The following MGST1 variants were observed in gnomAD, a reference collection of about 807,000 sequenced individuals.
MGST1 encodes the protein glutathione S-transferase 12.
A neutral mutation model predicts 8.9 loss-of-function variants in MGST1; 5 were observed. That is an observed-to-expected ratio of 0.56 (90% CI 0.29 to 1.19). The LOEUF is 1.19. MGST1 is among the 50% of genes most tolerant of loss of function. MGST1 has a pLI of 0.08. For synonymous variants in MGST1, 54 were observed against 67.8 expected (o/e 0.80, Z 1.00); for missense variants, 182 against 187.4 (o/e 0.97, Z 0.17).
intron 4 of MGST1, among the ~76,000 whole-genome samples, chr12:16,518,454 AT>A (rs1304042892): frequency 6.6e-6 from 1 of 152,112 alleles, no homozygotes; most frequent in African/African-American, 2.4e-5. Flanking sequence ...GAAAAGTTTT[AT>A]TTATTATAGC....
In MGST1 at chr12:16,354,471, C is replaced by T. The variant is rs529332722; in HGVS notation, c.126+93C>T. 19 of 1,235,990 alleles carry T rather than the reference C, an allele frequency of 1.5e-5. No homozygotes were observed. In the East Asian group the frequency reaches 3.4e-4, roughly 22 times the overall value. 76.6% of individuals were successfully genotyped at this position (1,235,990 alleles called of 1,614,324 possible). A position where few individuals can be genotyped will look rare whatever the true frequency, so the allele number is the denominator to read the frequency against. ...TTTTCTTTTTTTATTTTTGGTAAAG[C>T]CCAATAGCACACTGTTTTATGCTGT... On this transcript the variant is annotated intron_variant, in intron 2 of 3. Transcript: ENST00000396210.
chr12:16,454,087 C>T (rs574154321), intron 4 of MGST1, among the ~76,000 whole-genome samples: 4 of 151,870 alleles, frequency 2.6e-5, no homozygotes, highest in South Asian at 2.1e-4. Context: ...GGGAATGCCC[C>T]GGCCCAGAGG....
chr12:16,552,049 A>G (rs767395845), intron 4 of MGST1, among the ~76,000 whole-genome samples: 4 of 152,058 alleles, frequency 2.6e-5, no homozygotes, highest in Non-Finnish European at 4.4e-5. Flanking sequence ...CTAGTTTCCA[A>G]TAGCTAATTA....
intron 4 of MGST1, among the ~76,000 whole-genome samples, chr12:16,529,793 C>T (rs949106163): frequency 2.6e-5 from 4 of 152,002 alleles, no homozygotes; most frequent in Non-Finnish European, 5.9e-5. Context: ...AGTTAGAAAT[C>T]TATAATTGTA....
intron 1 of MGST1, among the ~76,000 whole-genome samples, chr12:16,408,950 A>T (rs1309935601): frequency 6.6e-6 from 1 of 152,084 alleles, no homozygotes; most frequent in Non-Finnish European, 1.5e-5. Context: ...TGTGCTTCTC[A>T]TTTTTAGAAG....
chr12:16,528,419 A>G (rs1941702645), intron 4 of MGST1, among the ~76,000 whole-genome samples: 1 of 152,054 alleles, frequency 6.6e-6, no homozygotes, highest in Non-Finnish European at 1.5e-5. Context: ...GTTAAAAACA[A>G]GACCCGTGCT....
intron 4 of MGST1, among the ~76,000 whole-genome samples, chr12:16,534,965 C>T (rs1251040395): frequency 6.6e-6 from 1 of 152,136 alleles, no homozygotes; most frequent in East Asian, 1.9e-4. Context: ...CTCTTCACCC[C>T]ATTTACCTTC....
chr12:16,400,274 C>T (rs1940643060), intron 1 of MGST1: 1 of 810,434 alleles, frequency 1.2e-6, no homozygotes, highest in African/African-American at 1.7e-5. Context: ...AAATGCAAGA[C>T]AATAATCATT....
intron 1 of MGST1, among the ~76,000 whole-genome samples, chr12:16,350,040 G>A (rs1404278899): frequency 2.6e-5 from 4 of 152,048 alleles, no homozygotes; most frequent in Non-Finnish European, 5.9e-5. Flanking sequence ...CACCGCGCTC[G>A]GCCCCCGCTT....
intron 4 of MGST1, among the ~76,000 whole-genome samples, chr12:16,470,404 CATA>C (rs1189878406): frequency 6.6e-6 from 1 of 152,154 alleles, no homozygotes; most frequent in South Asian, 2.1e-4. Context: ...ATTCAGATGT[CATA>C]ATAATGAAAT....
intron 1 of MGST1, among the ~76,000 whole-genome samples, chr12:16,409,745 C>T (rs1400859048): frequency 6.6e-6 from 1 of 152,074 alleles, no homozygotes; most frequent in African/African-American, 2.4e-5. Flanking sequence ...GCCCAGAAAG[C>T]CTGTACCACA....
At chr12:16,381,648 G>T (rs1449018703), downstream of MGST1, among the ~76,000 whole-genome samples, 2 of 152,090 alleles carry the variant, frequency 1.3e-5, no homozygotes, top group Admixed American at 1.3e-4. Context: ...TATCTTTGTG[G>T]CATTCTCTGT....
chr12:16,364,542 G>C (rs566341281), downstream of MGST1: 2 of 310,316 alleles, frequency 6.4e-6, no homozygotes, highest in African/African-American at 4.5e-5. The surrounding 1 kb of genome is among the most constrained non-coding windows in gnomAD (Gnocchi z 5.7). Flanking sequence ...TTGCATATTT[G>C]CTTTCCTTCT....
chr12:16,531,687 T>A (rs78840748), intron 4 of MGST1, among the ~76,000 whole-genome samples: 20 of 152,118 alleles, frequency 1.3e-4, no homozygotes, highest in Non-Finnish European at 2.5e-4. Context: ...CAGCAAGACC[T>A]TGCACTCAGA....
rs1942362352 is a variant in MGST1 at position 16,560,526 on chromosome 12, T to C, written n.483-29002T>C. The C allele has an allele frequency of 6.2e-7, 1 of 1,611,432 alleles. No homozygotes were observed. Among genetic ancestry groups the C allele is most frequent in the Non-Finnish European group, 8.5e-7 (1 of 1,179,234 alleles). On this transcript the variant is annotated intron_variant and non_coding_transcript_variant, in intron 4 of 4. Coordinates refer to the MGST1 transcript ENST00000538857. This position sits in a 1 kb window ranked among gnomAD's most constrained non-coding sequence, Gnocchi z 5.0. Reference sequence around the variant, plus strand: ...TACTACAGGCAGCGCAGTTTCCCGTTACACCAAAGAGCCTAGAATAAGAAA... The same window carrying C: ...TACTACAGGCAGCGCAGTTTCCCGTCACACCAAAGAGCCTAGAATAAGAAA...
intron 4 of MGST1, among the ~76,000 whole-genome samples, chr12:16,479,415 T>C (rs554318613): frequency 1.3e-5 from 2 of 151,798 alleles, no homozygotes; most frequent in East Asian, 3.9e-4. Context: ...TTTGTATTTT[T>C]AGTAGAGACA....
chr12:16,365,546 A>T (rs1940169747), downstream of MGST1, among the ~76,000 whole-genome samples: 1 of 152,232 alleles, frequency 6.6e-6, no homozygotes, highest in East Asian at 1.9e-4. Flanking sequence ...AACCTATTAG[A>T]CAATTGACTA....
At chr12:16,435,589 A>T (rs567208362) in intron 1 of MGST1, among the ~76,000 whole-genome samples, 2 of 152,090 alleles carry the variant, frequency 1.3e-5, no homozygotes, top group South Asian at 4.1e-4. Flanking sequence ...ATTTTCATCC[A>T]TTCAACATTC....
In MGST1 at chr12:16,576,599, C is replaced by G. The variant is rs1943003081; in HGVS notation, n.483-12929C>G. Among the ~76,000 whole-genome samples the G allele has an allele frequency of 6.6e-6, 1 of 152,210 alleles. No individual in the cohort carries two copies. Among genetic ancestry groups the G allele is most frequent in the Non-Finnish European group, 1.5e-5 (1 of 68,042 alleles). Reference sequence around the variant, plus strand: ...GTATCAGTTACGTACCTGTTTGTCTCTTTCTCACTACATAATAAGCTCCCT... The same window carrying G: ...GTATCAGTTACGTACCTGTTTGTCTGTTTCTCACTACATAATAAGCTCCCT... On this transcript the variant is annotated intron_variant and non_coding_transcript_variant, in intron 4 of 4. Coordinates refer to the MGST1 transcript ENST00000538857. This position sits in a 1 kb window ranked among gnomAD's most constrained non-coding sequence, Gnocchi z 4.1.
Sources: allele counts gnomAD v4.1 joint callset (sites outside exome capture counted in the v4.1 genomes callset), GRCh38; gene constraint gnomAD v4.1.1; non-coding constraint Gnocchi (gnomAD v3.1); transcripts MANE v1.5; gene names NCBI Gene and HGNC (gene_info 2026-07-23, HGNC 2026-07-21).